The following MROH7 variants were observed in gnomAD, a reference collection of about 807,000 sequenced individuals.
The protein encoded by MROH7 is maestro heat like repeat family member 7.
MROH7 carries 113 observed loss-of-function variants against 129.2 expected under a neutral mutation model. The ratio of observed to expected loss-of-function variants is 0.87; its 90% CI spans 0.75 to 1.02. The LOEUF (loss-of-function observed/expected upper bound fraction) is 1.02, where lower values mean the gene tolerates loss of function less well. Ranked by LOEUF, MROH7 falls within the 50% of genes least tolerant of loss-of-function variation. The pLI is 0.00. For synonymous variants in MROH7, 655 were observed against 667.9 expected (o/e 0.98, Z 0.30); for missense variants, 1,601 against 1,671.3 (o/e 0.96, Z 0.73).
At chr1:54,692,668 CTCAG>C in intron 16 of MROH7, 107 bp downstream of exon 16, 1 of 1,175,990 alleles carries the variant, frequency 8.5e-7, no homozygotes, top group Non-Finnish European at 1.2e-6. Flanking sequence ...AGACCCTTTG[CTCAG>C]TCTGTCACCT....
At chr1:54,663,058 A>T (rs1403580383) in intron 3 of MROH7, among the ~76,000 whole-genome samples, 1 of 152,174 alleles carries the variant, frequency 6.6e-6, no homozygotes, top group Non-Finnish European at 1.5e-5. Flanking sequence ...GTTTGCTTTC[A>T]TCACTTGAGT....
In MROH7 at chr1:54,673,704, C is replaced by G. The variant is rs1236116587; in HGVS notation, c.1699C>G (p.Leu567Val). 3 of 1,613,502 alleles carry G rather than the reference C, an allele frequency of 1.9e-6. No homozygotes were observed. Among genetic ancestry groups the G allele is most frequent in the Admixed American group, 1.7e-5 (1 of 60,004 alleles). The change falls in exon 9 of 24, where the codon CTG becomes GTG. Residue 567 changes from leucine to valine, a missense_variant. By Grantham distance (32) the Leu-to-Val change is conservative. Coordinates refer to ENST00000421030, the MANE Select transcript of MROH7 (RefSeq NM_001039464.4). Reference sequence around the variant, plus strand: ...AGTCTTGCTTTTGATCCCACAGGCCCTGGGGCCTTGGATGAACTCTGGGAA... The same window carrying G: ...AGTCTTGCTTTTGATCCCACAGGCCGTGGGGCCTTGGATGAACTCTGGGAA... ...PAGLKSILEA[L>V]GPWMNSGKAH...
chr1:54,645,794 A>G (rs1456310771), intron 1 of MROH7, among the ~76,000 whole-genome samples: 1 of 151,342 alleles, frequency 6.6e-6, no homozygotes, highest in Admixed American at 6.6e-5. Context: ...GTAGGACTAC[A>G]GGCGCACACC....
chr1:54,700,101 G>A (rs771357094), intron 17 of MROH7: 16 of 707,572 alleles, frequency 2.3e-5, no homozygotes, highest in Non-Finnish European at 3.7e-5. Context: ...GCAACAACAA[G>A]CAGTCACAGG....
chr1:54,659,082 TTTTG>T lies in MROH7; in HGVS notation c.1231+4941_1231+4944del, dbSNP rs140930216. The stretch of plus-strand genomic sequence containing the variant: ...ATACTGTATTTACTGTGTGTGGTTT[TTTTG>T]TTTGTTTGTTTGTTTTGTTTTTTTT... On this transcript the variant is annotated intron_variant, in intron 3 of 23. Transcript: ENST00000421030. 3.0e-4 allele frequency: 133 copies of T among 438,860 alleles called. 1 individual carries two copies. Among genetic ancestry groups the T allele is most frequent in the Middle Eastern group, 7.2e-4 (1 of 1,380 alleles). The allele number at this position is 438,860 out of a possible 1,614,324, so 27.2% of individuals were successfully genotyped here. A position where few individuals can be genotyped will look rare whatever the true frequency, so the allele number is the denominator to read the frequency against.
At chr1:54,678,019 C>T (rs1000764354) in intron 10 of MROH7, among the ~76,000 whole-genome samples, 4 of 152,156 alleles carry the variant, frequency 2.6e-5, no homozygotes, top group African/African-American at 4.8e-5. Context: ...TGCCACACAT[C>T]CACCAGAATG....
At position 54,674,036 on chromosome 1, in the gene MROH7, G is replaced by T. The variant is rs201615929; in HGVS notation, c.1821G>T (p.Ala607=). Residue 607 remains alanine, a synonymous_variant, in exon 10 of 24, where the codon GCG becomes GCT. Transcript: ENST00000421030. ...LPFFMPLGFP[A]LGLLLGRLIL... is the part of the protein sequence containing the mutation. ...AACAGATGCCCTTGGGGTTCCCGGC[G>T]CTGGGGCTTCTGCTGGGGAGACTCA... 4 of 1,614,106 alleles carry T rather than the reference G, an allele frequency of 2.5e-6. No homozygotes were observed. The highest frequency in any genetic ancestry group is 3.4e-6 in the Non-Finnish European group (4 of 1,180,018).
At chr1:54,678,224 A>G (rs1645012500) in intron 10 of MROH7, among the ~76,000 whole-genome samples, 1 of 152,222 alleles carries the variant, frequency 6.6e-6, no homozygotes. Flanking sequence ...AACTGTGTAG[A>G]TATACTCATC....
chr1:54,683,252 A>G (rs1177191739), intron 14 of MROH7, among the ~76,000 whole-genome samples: 1 of 152,178 alleles, frequency 6.6e-6, no homozygotes, highest in Non-Finnish European at 1.5e-5. Flanking sequence ...GTTTCTACAT[A>G]TGTGAATAGA....
intron 14 of MROH7, 21 bp downstream of exon 14, chr1:54,682,815 C>T: frequency 1.2e-6 from 2 of 1,605,256 alleles, no homozygotes; most frequent in Non-Finnish European, 1.7e-6. Context: ...AGTCAGCCAG[C>T]CCCTATTGCT....
At chr1:54,695,513 C>G (rs762654498) in intron 17 of MROH7, 23 bp downstream of exon 17, 3 of 1,524,632 alleles carry the variant, frequency 2.0e-6, no homozygotes, top group Non-Finnish European at 2.7e-6. Flanking sequence ...GCAGCGGGTA[C>G]ACAGCGGGAG....
chr1:54,647,872 T>TC (rs1644491023), intron 1 of MROH7, among the ~76,000 whole-genome samples: 1 of 138,040 alleles, frequency 7.2e-6, no homozygotes, highest in African/African-American at 2.7e-5. Flanking sequence ...GCCATTGCAC[T>TC]CTAGCCTGTG....
In MROH7 at chr1:54,653,692, T is replaced by G; in HGVS notation, c.766T>G (p.Ser256Ala). The change falls in exon 3 of 24, where the codon TCT becomes GCT. Residue 256 changes from serine (S) to alanine (A), a missense_variant. Transcript: ENST00000421030. ...CATCACTTTGGCTTCACATAATATC[T>G]CTGAGTCTGTTTCAAAAGGAGCCTT... The part of the protein sequence containing the change: ...ETITLASHNI[S>A]ESVSKGAFST... 6.2e-7 allele frequency: 1 copy of G among 1,614,118 alleles called. No homozygotes were observed. The highest frequency in any genetic ancestry group is 8.5e-7 in the Non-Finnish European group (1 of 1,180,008).
At chr1:54,645,430 C>T (rs771406870) in intron 1 of MROH7, among the ~76,000 whole-genome samples, 5 of 151,802 alleles carry the variant, frequency 3.3e-5, no homozygotes, top group Non-Finnish European at 5.9e-5. Flanking sequence ...CAGGTATGCA[C>T]CACCATGTCC....
chr1:54,650,869 A>G (rs2101061283), intron 1 of MROH7, among the ~76,000 whole-genome samples: 1 of 152,090 alleles, frequency 6.6e-6, no homozygotes, highest in South Asian at 2.1e-4. Flanking sequence ...GACGGCAGGC[A>G]CATGCCACCA....
chr1:54,702,798 G>A (rs2101225391), intron 21 of MROH7, 53 bp downstream of exon 21: 18 of 1,547,276 alleles, frequency 1.2e-5, no homozygotes, highest in East Asian at 2.3e-5. Flanking sequence ...TGGAGGTGGC[G>A]AATTCTGTGT....
At position 54,692,481 on chromosome 1, in the gene MROH7, C is replaced by T. The variant is rs753795709; in HGVS notation, c.2769C>T (p.Thr923=). The T allele has an allele frequency of 5.0e-6, 8 of 1,614,044 alleles. No individual in the cohort carries two copies. The highest frequency in any genetic ancestry group is 1.7e-5 in the Admixed American group (1 of 60,018). The part of the protein sequence containing the change: ...LLLRMGCSYE[T]TFLEDQGGWE... ...TGAGGATGGGCTGCTCTTATGAGAC[C>T]ACGTTTCTGGAGGACCAGGGTGGCT... The change falls in exon 16 of 24, where the codon ACC becomes ACT. Residue 923 remains threonine (T), a synonymous_variant. Coordinates refer to ENST00000421030, the MANE Select transcript of MROH7 (RefSeq NM_001039464.4).
chr1:54,652,731 T>C, intron 2 of MROH7, 122 bp from the exon 3 acceptor site: 1 of 631,986 alleles, frequency 1.6e-6, no homozygotes, highest in Non-Finnish European at 2.6e-6. Context: ...AAAGGTGGGC[T>C]GGGCACAGTC....
intron 7 of MROH7, among the ~76,000 whole-genome samples, chr1:54,672,122 G>A (rs1050190050): frequency 7.2e-5 from 11 of 152,128 alleles, no homozygotes; most frequent in Non-Finnish European, 1.5e-4. Context: ...CCAGCATCCC[G>A]GAGGTGGTGC....
Sources: gnomAD v4.1 joint callset for allele counts (sites outside exome capture counted in the v4.1 genomes callset) on GRCh38, gnomAD v4.1.1 for gene constraint, MANE v1.5 for transcripts, NCBI Gene and HGNC (gene_info 2026-07-23, HGNC 2026-07-21) for gene names.